The following MYO1E variants were observed in gnomAD, a reference collection of about 807,000 sequenced individuals.
The protein encoded by MYO1E is unconventional myosin-Ie.
Under a neutral mutation model 151.1 loss-of-function variants are expected in MYO1E, and 68 were observed. The ratio of observed to expected loss-of-function variants is 0.45; its 90% confidence interval spans 0.37 to 0.55. The LOEUF is 0.55. Ranked by LOEUF, MYO1E falls within the 20% of genes least tolerant of loss-of-function variation. The pLI is 0.00. For missense variants in MYO1E, 1,363 were observed against 1,389.3 expected (o/e 0.98, Z 0.30); for synonymous variants, 601 against 501.7 (o/e 1.20, Z -2.64).
At position 59,208,734 on chromosome 15, in the gene MYO1E, C is replaced by G; in HGVS notation, c.1477G>C (p.Glu493Gln). 9 of 1,614,214 alleles carry G rather than the reference C, an allele frequency of 5.6e-6. No individual in the cohort carries two copies. The highest frequency in any genetic ancestry group is 7.6e-6 in the Non-Finnish European group (9 of 1,180,030). The change falls in exon 14 of 28, where the codon GAG (glutamate) becomes CAG (glutamine). Residue 493 changes from glutamate (E) to glutamine (Q), a missense_variant. Transcript: ENST00000288235. ...QKLQMQIGSH[E>Q]HFNSWNQGFI... ...CCTTGGTTCCAACTGTTGAAGTGCT[C>G]ATGACTCCCAATCTGCATCTGAAGT...
intron 1 of MYO1E, among the ~76,000 whole-genome samples, chr15:59,300,870 T>C (rs865811060): frequency 0.012 from 1,326 of 113,698 alleles, 17 homozygotes; most frequent in African/African-American, 0.053. Context: ...TTTTTTCTTT[T>C]TTTTTTTTTT....
chr15:59,341,114 G>A (rs1209685835), intron 1 of MYO1E, among the ~76,000 whole-genome samples: 1 of 151,766 alleles, frequency 6.6e-6, no homozygotes, highest in East Asian at 1.9e-4. Flanking sequence ...ATATAAGTAG[G>A]TGTATATGGA....
At chr15:59,235,538 C>A (rs2080057140) in intron 5 of MYO1E, among the ~76,000 whole-genome samples, 2 of 152,124 alleles carry the variant, frequency 1.3e-5, no homozygotes, top group African/African-American at 4.8e-5. Flanking sequence ...GTATAATATT[C>A]TATTATATAA....
chr15:59,197,064 C>T (rs2079771766), intron 16 of MYO1E, among the ~76,000 whole-genome samples: 1 of 122,222 alleles, frequency 8.2e-6, no homozygotes, highest in Non-Finnish European at 1.6e-5. Context: ...GTGATCTCTG[C>T]TCATTGCAAC....
chr15:59,161,267 C>A, intron 23 of MYO1E, 37 bp from the exon 24 acceptor site: 1 of 1,607,762 alleles, frequency 6.2e-7, no homozygotes, highest in Non-Finnish European at 8.5e-7. Flanking sequence ...GGTCGAAGGA[C>A]GCAGTGAGAA....
intron 1 of MYO1E, among the ~76,000 whole-genome samples, chr15:59,282,755 G>T (rs73424986): frequency 0.025 from 3,789 of 149,276 alleles, 145 homozygotes; most frequent in African/African-American, 0.085. Flanking sequence ...GCCGGAGGCA[G>T]GAGGATCGCT....
intron 3 of MYO1E, among the ~76,000 whole-genome samples, chr15:59,257,146 T>C (rs1358984647): frequency 6.6e-6 from 1 of 152,242 alleles, no homozygotes; most frequent in Non-Finnish European, 1.5e-5. Context: ...TCTTGACACC[T>C]ACCTTTACCA....
chr15:59,151,174 C>G (rs2079476221), intron 26 of MYO1E, among the ~76,000 whole-genome samples: 1 of 152,024 alleles, frequency 6.6e-6, no homozygotes, highest in African/African-American at 2.4e-5. Context: ...CGCCTGTAAT[C>G]CCAGCTACTA....
intron 1 of MYO1E, among the ~76,000 whole-genome samples, chr15:59,275,337 G>A (rs1197866191): frequency 1.3e-5 from 2 of 152,022 alleles, no homozygotes; most frequent in Non-Finnish European, 2.9e-5. Context: ...TTTTTGATTT[G>A]ATACGTTTTT....
chr15:59,162,659 G>GAAAAAAAAAAAAAAAAAAAA (rs56116339), intron 23 of MYO1E, among the ~76,000 whole-genome samples: 1 of 120,910 alleles, frequency 8.3e-6, no homozygotes, highest in Admixed American at 8.6e-5. Context: ...AAAAAAAAAA[G>GAAAAAAAAAAAAAAAAAAAA]AAAAAAAAAA....
chr15:59,227,543 A>C lies in MYO1E; in HGVS notation c.558T>G (p.Gly186=), dbSNP rs1264635093. The change falls in exon 7 of 28, where the codon GGT becomes GGG. Residue 186 remains glycine (G), a synonymous_variant. Coordinates refer to ENST00000288235, the MANE Select transcript of MYO1E (RefSeq NM_004998.4). ...IQFSPGGEPD[G]GKISNFLLEK... is the part of the protein sequence containing the mutation. ...CCAGAAGGAAGTTGGAGATCTTTCC[A>C]CCATCTGGTTCCCCACCTGGACTGA... The C allele has an allele frequency of 2.5e-6, 4 of 1,614,148 alleles. No homozygotes were observed. The highest frequency in any genetic ancestry group is 3.4e-6 in the Non-Finnish European group (4 of 1,180,002).
chr15:59,188,268 C>T (rs1431341217), intron 17 of MYO1E, 52 bp from the exon 18 acceptor site: 5 of 1,460,266 alleles, frequency 3.4e-6, no homozygotes, highest in Middle Eastern at 3.4e-4. Context: ...TCCTTTCACT[C>T]GTGTTCTTAC....
chr15:59,183,889 A>C (rs11632157), intron 18 of MYO1E, among the ~76,000 whole-genome samples: 126,388 of 152,052 alleles, frequency 0.83, 53,098 homozygotes, highest in East Asian at 0.92. Context: ...TGATGAGCTC[A>C]ATTATTTTAA....
chr15:59,218,059 C>A lies in MYO1E; in HGVS notation c.939G>T (p.Gly313=), dbSNP rs2079930903. 6.2e-7 allele frequency: 1 copy of A among 1,614,178 alleles called. No individual in the cohort carries two copies. The highest frequency in any genetic ancestry group is 1.1e-5 in the South Asian group (1 of 91,080). The change falls in exon 10 of 28, where the codon GGG becomes GGT. Residue 313 remains glycine, a synonymous_variant. Transcript: ENST00000288235. The part of the protein sequence containing the change: ...EFLAFPAYLL[G]INQDRLKEKL... ...TTTCTTTCAACCGGTCCTGGTTTAT[C>A]CCTAGCAGATATGCAGGAAAAGCTA...
chr15:59,161,381 A>G, intron 23 of MYO1E, 151 bp from the exon 24 acceptor site: 1 of 888,050 alleles, frequency 1.1e-6, no homozygotes, highest in Non-Finnish European at 1.7e-6. Flanking sequence ...GAGGATGCGC[A>G]CCGCATCCAT....
intron 18 of MYO1E, among the ~76,000 whole-genome samples, chr15:59,179,893 C>T (rs1158514397): frequency 6.6e-6 from 1 of 152,238 alleles, no homozygotes; most frequent in Non-Finnish European, 1.5e-5. Flanking sequence ...AGTTGGAGGG[C>T]GTGGCCCACG....
chr15:59,139,304 C>T (rs1361804339), intron 26 of MYO1E, among the ~76,000 whole-genome samples: 5 of 128,180 alleles, frequency 3.9e-5, no homozygotes, highest in Admixed American at 1.8e-4. Context: ...CCTCCCACCC[C>T]CCTCATTCCT....
At position 59,207,024 on chromosome 15, in the gene MYO1E, G is replaced by A. The variant is rs867754167; in HGVS notation, c.1531-1539C>T. The A allele has an allele frequency of 5.6e-6, 9 of 1,614,102 alleles. 1 individual carries two copies. In the Middle Eastern group the frequency reaches 1.3e-3, roughly 237 times the overall value. On this transcript the variant is annotated intron_variant, in intron 14 of 27. Coordinates refer to ENST00000288235, the MANE Select transcript of MYO1E (RefSeq NM_004998.4). ...ATTTCCTATGCCTGGGGATGGCCCT[G>A]TGTCCGCGTCAAGCAACGCGCATCC...
Position 59,323,155 on chromosome 15 carries a change from C to A in MYO1E, c.3+49343G>T, listed in dbSNP as rs1311204089. On this transcript the variant is annotated intron_variant, in intron 1 of 27. Transcript: ENST00000288235. ...CTGCACTCCAGCCTGGGCGACAGAG[C>A]AAGACCCCATCACAAAAAAAAAAAA... Among the ~76,000 whole-genome samples, 7 of 92,598 alleles carry A rather than the reference C, an allele frequency of 7.6e-5. No homozygotes were observed. In the South Asian group the frequency reaches 1.1e-3, roughly 14 times the overall value. 60.7% of individuals were successfully genotyped at this position (92,598 alleles called of 152,430 possible).
Sources: allele counts gnomAD v4.1 joint callset (sites outside exome capture counted in the v4.1 genomes callset), GRCh38; gene constraint gnomAD v4.1.1; transcripts MANE v1.5; gene names NCBI Gene and HGNC (gene_info 2026-07-23, HGNC 2026-07-21).